The following RBM15B variants were observed in gnomAD, a reference collection of about 807,000 sequenced individuals.
RBM15B encodes the protein RNA binding motif protein 15B, also known as putative RNA-binding protein 15B.
In RBM15B, 11 loss-of-function variants were observed where a neutral mutation model predicts 53.3. The ratio of observed to expected loss-of-function variants is 0.21; its 90% CI spans 0.13 to 0.34. The LOEUF is 0.34. Among genes scored for constraint, RBM15B ranks in the 10% least tolerant of loss-of-function variants. The pLI is 1.00. For missense variants in RBM15B, 1,136 were observed against 1,250.3 expected (o/e 0.91, Z 1.38); for synonymous variants, 631 against 540.7 (o/e 1.17, Z -2.32).
chr3:51,392,606 G>C lies in RBM15B; in HGVS notation c.1207G>C (p.Gly403Arg), dbSNP rs782076130. Residue 403 changes from glycine to arginine, a missense_variant, in exon 1 of 1, where the codon GGT becomes CGT. Transcript: ENST00000563281. This position sits in a 1 kb window ranked among gnomAD's most constrained non-coding sequence, Gnocchi z 7.5. ...AKVAMSGRVI[G>R]RNPIKIGYGK... ...GGTGGCCATGTCGGGCCGAGTGATT[G>C]GTCGCAACCCCATTAAGATAGGCTA... 6.2e-6 allele frequency: 10 copies of C among 1,614,040 alleles called. No homozygotes were observed. The highest frequency in any genetic ancestry group is 1.3e-5 in the African/African-American group (1 of 75,054).
At position 51,392,581 on chromosome 3, in the gene RBM15B, G is replaced by A; in HGVS notation, c.1182G>A (p.Lys394=). 1 of 1,614,034 alleles carries A rather than the reference G, an allele frequency of 6.2e-7. No homozygotes were observed. The highest frequency in any genetic ancestry group is 1.1e-5 in the South Asian group (1 of 91,082). Residue 394 remains lysine (K), a synonymous_variant, in exon 1 of 1, where the codon AAG becomes AAA. Transcript: ENST00000563281. The surrounding 1 kb of genome is among the most constrained non-coding windows in gnomAD (Gnocchi z 7.5). ...FQNLDMAHRA[K]VAMSGRVIGR... is the part of the protein sequence containing the mutation. ...ACCTGGACATGGCCCATAGGGCTAAGGTGGCCATGTCGGGCCGAGTGATTG... is the reference window on the plus strand; with the variant it reads ...ACCTGGACATGGCCCATAGGGCTAAAGTGGCCATGTCGGGCCGAGTGATTG...
At position 51,396,003 on chromosome 3, in the gene RBM15B, A is replaced by C; in HGVS notation, c.*1931A>C. 2.4e-6 allele frequency: 1 copy of C among 413,126 alleles called. No individual in the cohort carries two copies. 25.6% of individuals were successfully genotyped at this position (413,126 alleles called of 1,614,324 possible). A position where few individuals can be genotyped will look rare whatever the true frequency, so the allele number is the denominator to read the frequency against. The stretch of plus-strand genomic sequence containing the variant: ...ATTCCAGGGTAGCTGGTACCGCCAG[A>C]AACAGGAGTGGGTCTTGTCCTGTTG... On this transcript the variant is annotated 3_prime_UTR_variant, in exon 1 of 1. Coordinates refer to ENST00000563281, the MANE Select transcript of RBM15B (RefSeq NM_013286.5).
Position 51,391,436 on chromosome 3 carries a change from G to A in RBM15B, c.37G>A (p.Gly13Arg). The A allele has an allele frequency of 3.1e-6, 4 of 1,271,184 alleles. No individual in the cohort carries two copies. Among genetic ancestry groups the A allele is most frequent in the East Asian group, 3.5e-5 (1 of 28,952 alleles). The allele number at this position is 1,271,184 out of a possible 1,614,324, so 78.7% of individuals were successfully genotyped here. ...RQSERDSSPSGRGSSSSAKRP... is the reference protein window; with the variant it reads ...RQSERDSSPSRRGSSSSAKRP... ...GAGCGAGCGAGACTCTAGCCCGAGC[G>A]GGCGCGGCTCGTCATCGTCCGCCAA... Residue 13 changes from glycine (G) to arginine (R), a missense_variant, in exon 1 of 1, where the codon GGG (glycine) becomes AGG (arginine). By Grantham distance (125) the Gly-to-Arg change is moderately radical (BLOSUM62 -2). This residue lies in a region of RBM15B where 257 missense variants were observed against 261.1 expected (regional missense o/e 0.98). Transcript: ENST00000563281. The surrounding 1 kb of genome is among the most constrained non-coding windows in gnomAD (Gnocchi z 4.5).
chr3:51,394,880 G>A lies in RBM15B; in HGVS notation c.*808G>A, dbSNP rs1431965847. ...GGGCCCCTGATCTGTCCAGGCTCCT[G>A]GTTCGGCCTACTTTCTAGCCTCACT... On this transcript the variant is annotated 3_prime_UTR_variant, in exon 1 of 1. Coordinates refer to ENST00000563281, the MANE Select transcript of RBM15B (RefSeq NM_013286.5). 6.0e-6 allele frequency: 1 copy of A among 167,144 alleles called. No homozygotes were observed. Among genetic ancestry groups the A allele is most frequent in the Non-Finnish European group, 1.5e-5 (1 of 68,196 alleles). The allele number at this position is 167,144 out of a possible 1,614,324, so 10.4% of individuals were successfully genotyped here.
Position 51,391,353 on chromosome 3 carries a change from C to A in RBM15B, c.-47C>A. The A allele has an allele frequency of 8.4e-7, 1 of 1,190,506 alleles. No individual in the cohort carries two copies. Among genetic ancestry groups the A allele is most frequent in the Non-Finnish European group, 1.0e-6 (1 of 962,966 alleles). The allele number at this position is 1,190,506 out of a possible 1,614,324, so 73.7% of individuals were successfully genotyped here. On this transcript the variant is annotated 5_prime_UTR_variant, in exon 1 of 1. Coordinates refer to ENST00000563281, the MANE Select transcript of RBM15B (RefSeq NM_013286.5). This position sits in a 1 kb window ranked among gnomAD's most constrained non-coding sequence, Gnocchi z 4.5. The stretch of plus-strand genomic sequence containing the variant: ...CCTCCTCGGCCGCCGCCTCCGCCGC[C>A]GCCGCTGTGAGAAACCTACGGGCCG...
At position 51,392,686 on chromosome 3, in the gene RBM15B, G is replaced by T; in HGVS notation, c.1287G>T (p.Thr429=). The T allele has an allele frequency of 1.2e-6, 2 of 1,614,156 alleles. No individual in the cohort carries two copies. The highest frequency in any genetic ancestry group is 1.7e-6 in the Non-Finnish European group (2 of 1,180,038). Reference sequence around the variant, plus strand: ...GGGTGGGTGGCCTGGGACCTAACACGTCACTGGCGGCTCTGGCCCGAGAGT... The same window carrying T: ...GGGTGGGTGGCCTGGGACCTAACACTTCACTGGCGGCTCTGGCCCGAGAGT... The part of the protein sequence containing the change: ...RLWVGGLGPN[T]SLAALAREFD... The change falls in exon 1 of 1, where the codon ACG becomes ACT. Residue 429 remains threonine, a synonymous_variant. Transcript: ENST00000563281. The surrounding 1 kb of genome is among the most constrained non-coding windows in gnomAD (Gnocchi z 7.5).
Position 51,396,022 on chromosome 3 carries a change from C to T in RBM15B, c.*1950C>T, listed in dbSNP as rs2089178398. On this transcript the variant is annotated 3_prime_UTR_variant, in exon 1 of 1. Transcript: ENST00000563281. ...CGCCAGAAACAGGAGTGGGTCTTGTCCTGTTGCAGGCACACTGCAGTGGTT... is the reference window on the plus strand; with the variant it reads ...CGCCAGAAACAGGAGTGGGTCTTGTTCTGTTGCAGGCACACTGCAGTGGTT... 7.3e-6 allele frequency: 3 copies of T among 412,616 alleles called. No homozygotes were observed. Among genetic ancestry groups the T allele is most frequent in the South Asian group, 2.7e-4 (2 of 7,382 alleles). The allele number at this position is 412,616 out of a possible 1,614,324, so 25.6% of individuals were successfully genotyped here.
rs2106640762 is a variant in RBM15B at position 51,392,685 on chromosome 3, C to T, written c.1286C>T (p.Thr429Met). ...TGGGTGGGTGGCCTGGGACCTAACA[C>T]GTCACTGGCGGCTCTGGCCCGAGAG... The part of the protein sequence containing the change: ...RLWVGGLGPN[T>M]SLAALAREFD... Residue 429 changes from threonine (T) to methionine (M), a missense_variant, in exon 1 of 1, where the codon ACG (threonine) becomes ATG (methionine). Around this residue, in one of 7 missense-constraint regions of RBM15B, gnomAD observed 45 missense variants for 80.7 expected, o/e 0.56. Transcript: ENST00000563281. The surrounding 1 kb of genome is among the most constrained non-coding windows in gnomAD (Gnocchi z 7.5). The T allele has an allele frequency of 6.2e-7, 1 of 1,614,172 alleles. No individual in the cohort carries two copies. The highest frequency in any genetic ancestry group is 8.5e-7 in the Non-Finnish European group (1 of 1,180,038).
rs2089033335 is a variant in RBM15B at position 51,391,346 on chromosome 3, C to T, written c.-54C>T. The T allele has an allele frequency of 7.7e-6, 9 of 1,174,542 alleles. 1 individual carries two copies. The South Asian group carries it at 3.6e-4, about 47-fold the overall frequency. The allele number at this position is 1,174,542 out of a possible 1,614,324, so 72.8% of individuals were successfully genotyped here. A position where few individuals can be genotyped will look rare whatever the true frequency, so the allele number is the denominator to read the frequency against. ...GGCGCTGCCTCCTCGGCCGCCGCCT[C>T]CGCCGCCGCCGCTGTGAGAAACCTA... On this transcript the variant is annotated 5_prime_UTR_variant, in exon 1 of 1. Coordinates refer to ENST00000563281, the MANE Select transcript of RBM15B (RefSeq NM_013286.5). The surrounding 1 kb of genome is among the most constrained non-coding windows in gnomAD (Gnocchi z 4.5).
Position 51,392,551 on chromosome 3 carries a change from C to T in RBM15B, c.1152C>T (p.Phe384=). The T allele has an allele frequency of 6.2e-7, 1 of 1,613,944 alleles. No individual in the cohort carries two copies. The highest frequency in any genetic ancestry group is 8.5e-7 in the Non-Finnish European group (1 of 1,180,020). The change falls in exon 1 of 1, where the codon TTC becomes TTT. Residue 384 remains phenylalanine, a synonymous_variant. Transcript: ENST00000563281. This position sits in a 1 kb window ranked among gnomAD's most constrained non-coding sequence, Gnocchi z 7.5. ...GCGGTGCCTATGCCTTCCTCAAGTT[C>T]CAGAACCTGGACATGGCCCATAGGG... The part of the protein sequence containing the change: ...GQGGAYAFLK[F]QNLDMAHRAK...
chr3:51,395,956 G>A lies in RBM15B; in HGVS notation c.*1884G>A. On this transcript the variant is annotated 3_prime_UTR_variant, in exon 1 of 1. Coordinates refer to ENST00000563281, the MANE Select transcript of RBM15B (RefSeq NM_013286.5). ...TGCCAGGTACCTAAGCAAGTCAGTT[G>A]GGTACAGCAGGACACGCCACCATTC... 2.4e-6 allele frequency: 1 copy of A among 413,478 alleles called. No individual in the cohort carries two copies. The highest frequency in any genetic ancestry group is 4.4e-6 in the Non-Finnish European group (1 of 226,118). The allele number at this position is 413,478 out of a possible 1,614,324, so 25.6% of individuals were successfully genotyped here.
Position 51,394,581 on chromosome 3 carries a change from GGCAA to G in RBM15B, c.*512_*515del, listed in dbSNP as rs2089110423. 6.0e-6 allele frequency: 1 copy of G among 167,212 alleles called. No homozygotes were observed. The highest frequency in any genetic ancestry group is 1.9e-4 in the East Asian group (1 of 5,206). 10.4% of individuals were successfully genotyped at this position (167,212 alleles called of 1,614,324 possible). A position where few individuals can be genotyped will look rare whatever the true frequency, so the allele number is the denominator to read the frequency against. On this transcript the variant is annotated 3_prime_UTR_variant, in exon 1 of 1. Coordinates refer to ENST00000563281, the MANE Select transcript of RBM15B (RefSeq NM_013286.5). Reference sequence around the variant, plus strand: ...CTCATTTTTATCTTGGCTGACAGCAGGCAAGCTTCAGTTTGGGCTGTGGACGCTG... The same window carrying G: ...CTCATTTTTATCTTGGCTGACAGCAGGCTTCAGTTTGGGCTGTGGACGCTG...
Position 51,392,760 on chromosome 3 carries a change from G to C in RBM15B, c.1361G>C (p.Ser454Thr). ...ACCATTGATCACGTCAAAGGAGATAGCTTTGCCTATATTCAGTACGAGAGC... is the reference window on the plus strand; with the variant it reads ...ACCATTGATCACGTCAAAGGAGATACCTTTGCCTATATTCAGTACGAGAGC... ...IRTIDHVKGD[S>T]FAYIQYESLD... The change falls in exon 1 of 1, where the codon AGC becomes ACC. Residue 454 changes from serine (S) to threonine (T), a missense_variant. This residue lies in a region of RBM15B where 578 missense variants were observed against 581.6 expected (regional missense o/e 0.99). Coordinates refer to ENST00000563281, the MANE Select transcript of RBM15B (RefSeq NM_013286.5). This position sits in a 1 kb window ranked among gnomAD's most constrained non-coding sequence, Gnocchi z 7.5. 1.2e-6 allele frequency: 2 copies of C among 1,614,172 alleles called. No individual in the cohort carries two copies. The highest frequency in any genetic ancestry group is 1.7e-6 in the Non-Finnish European group (2 of 1,180,040).
chr3:51,392,004 C>T lies in RBM15B; in HGVS notation c.605C>T (p.Ala202Val). ...CGCGAGGCCCGCCAGCACGCCCTGG[C>T]CCGGCAGCTGCTGCTCTACGACCGC... The part of the protein sequence containing the change: ...DAREARQHAL[A>V]RQLLLYDRPL... The change falls in exon 1 of 1, where the codon GCC becomes GTC. Residue 202 changes from alanine (A) to valine (V), a missense_variant. By Grantham distance (64) the Ala-to-Val change is moderately conservative. Coordinates refer to ENST00000563281, the MANE Select transcript of RBM15B (RefSeq NM_013286.5). The surrounding 1 kb of genome is among the most constrained non-coding windows in gnomAD (Gnocchi z 7.5). 11 of 1,598,416 alleles carry T rather than the reference C, an allele frequency of 6.9e-6. No individual in the cohort carries two copies. Among genetic ancestry groups the T allele is most frequent in the Non-Finnish European group, 9.3e-6 (11 of 1,178,026 alleles).
At position 51,394,280 on chromosome 3, in the gene RBM15B, G is replaced by A. The variant is rs2089098837; in HGVS notation, c.*208G>A. ...TTTTTAAACGATGAGAAGGGAATCC[G>A]GTTATGTTGATTTCTAGTGTACAAG... On this transcript the variant is annotated 3_prime_UTR_variant, in exon 1 of 1. Coordinates refer to ENST00000563281, the MANE Select transcript of RBM15B (RefSeq NM_013286.5). 4 of 620,834 alleles carry A rather than the reference G, an allele frequency of 6.4e-6. No individual in the cohort carries two copies. The highest frequency in any genetic ancestry group is 4.4e-5 in the Admixed American group (1 of 22,812). The allele number at this position is 620,834 out of a possible 1,614,324, so 38.5% of individuals were successfully genotyped here.
rs1291557021 is a variant in RBM15B, at chr3:51,392,159, C to T, written c.760C>T (p.Pro254Ser). The change falls in exon 1 of 1, where the codon CCG becomes TCG. Residue 254 changes from proline to serine, a missense_variant. Physicochemically the swap from Pro to Ser is moderately conservative, Grantham distance 74 (BLOSUM62 -1). This residue lies in a region of RBM15B where 204 missense variants were observed against 196.8 expected (regional missense o/e 1.04). Transcript: ENST00000563281. The surrounding 1 kb of genome is among the most constrained non-coding windows in gnomAD (Gnocchi z 7.5). ...GCCCGCCGACCCGCTCGGCTACCTC[C>T]CGCTACACGGAGGCTACCAGTACAA... ...PAPADPLGYL[P>S]LHGGYQYKQR... The T allele has an allele frequency of 2.0e-6, 3 of 1,536,870 alleles. No individual in the cohort carries two copies. Among genetic ancestry groups the T allele is most frequent in the Non-Finnish European group, 2.6e-6 (3 of 1,146,508 alleles).
chr3:51,392,699 C>G lies in RBM15B; in HGVS notation c.1300C>G (p.Leu434Val), dbSNP rs371399753. The change falls in exon 1 of 1, where the codon CTG becomes GTG. Residue 434 changes from leucine to valine, a missense_variant. Leu to Val is a conservative substitution (Grantham distance 32). Transcript: ENST00000563281. The surrounding 1 kb of genome is among the most constrained non-coding windows in gnomAD (Gnocchi z 7.5). ...GGGACCTAACACGTCACTGGCGGCTCTGGCCCGAGAGTTTGACCGCTTTGG... is the reference window on the plus strand; with the variant it reads ...GGGACCTAACACGTCACTGGCGGCTGTGGCCCGAGAGTTTGACCGCTTTGG... Reference protein sequence around the residue: ...GLGPNTSLAALAREFDRFGSI... With the variant: ...GLGPNTSLAAVAREFDRFGSI... The G allele has an allele frequency of 6.2e-7, 1 of 1,614,040 alleles. No homozygotes were observed. Among genetic ancestry groups the G allele is most frequent in the Non-Finnish European group, 8.5e-7 (1 of 1,180,048 alleles).
At position 51,394,194 on chromosome 3, in the gene RBM15B, G is replaced by C; in HGVS notation, c.*122G>C. ...CTCCTGGGTTATTTTGGTTCATTTGGGTGGGGATCAAAGTCCTGTCCACCA... is the reference window on the plus strand; with the variant it reads ...CTCCTGGGTTATTTTGGTTCATTTGCGTGGGGATCAAAGTCCTGTCCACCA... On this transcript the variant is annotated 3_prime_UTR_variant, in exon 1 of 1. Transcript: ENST00000563281. 1.6e-6 allele frequency: 2 copies of C among 1,240,284 alleles called. No homozygotes were observed. The highest frequency in any genetic ancestry group is 2.1e-6 in the Non-Finnish European group (2 of 974,962). The allele number at this position is 1,240,284 out of a possible 1,614,324, so 76.8% of individuals were successfully genotyped here.
rs1553621774 is a variant in RBM15B at position 51,392,464 on chromosome 3, G to A, written c.1065G>A (p.Arg355=). Residue 355 remains arginine (R), a synonymous_variant, in exon 1 of 1, where the codon AGG becomes AGA. Transcript: ENST00000563281. The surrounding 1 kb of genome is among the most constrained non-coding windows in gnomAD (Gnocchi z 7.5). The part of the protein sequence containing the change: ...DHSVSEVELR[R]AFEKYGIIEE... ...GCGTATCTGAGGTGGAGCTGCGAAG[G>A]GCCTTCGAGAAATATGGCATCATCG... The A allele has an allele frequency of 1.9e-6, 3 of 1,613,886 alleles. No individual in the cohort carries two copies. Among genetic ancestry groups the A allele is most frequent in the South Asian group, 1.1e-5 (1 of 91,092 alleles).
Sources: gnomAD v4.1 joint callset for allele counts on GRCh38, gnomAD v4.1.1 for gene constraint, gnomAD v4.1.1 regional missense constraint, Gnocchi (gnomAD v3.1) non-coding constraint, MANE v1.5 for transcripts, NCBI Gene and HGNC (gene_info 2026-07-23, HGNC 2026-07-21) for gene names.